UTRN: variants seen among roughly 807,000 people sequenced by gnomAD.
UTRN encodes dystrophin-related protein 1.
In UTRN, 283 loss-of-function variants were observed where a neutral mutation model predicts 463.9. That is an observed-to-expected ratio of 0.61 (90% CI 0.55 to 0.67). The LOEUF (loss-of-function observed/expected upper bound fraction) is 0.67, where lower values mean the gene tolerates loss of function less well. UTRN is among the 30% of genes least tolerant of loss of function. The probability of loss-of-function intolerance (pLI) is 0.00; values close to 1 mark genes in which losing one functional copy is unlikely to be tolerated. For missense variants in UTRN, 3,922 were observed against 4,084.3 expected, an observed-to-expected ratio of 0.96 and a Z score of 1.08; for synonymous variants, 1,442 against 1,431.5, an observed-to-expected ratio of 1.01 and a Z score of -0.17.
Position 144,851,402 on chromosome 6 carries a change from C to A in UTRN, c.*405C>A, listed in dbSNP as rs545322097. ...GAAGACCACTTTACATTTTTACATT[C>A]CTTCTGCTGTTCATATTAACCTTGC... On this transcript the variant is annotated 3_prime_UTR_variant, in exon 75 of 75. Coordinates refer to ENST00000367545, the MANE Select transcript of UTRN (RefSeq NM_007124.3). The A allele has an allele frequency of 2.1e-4, 37 of 179,028 alleles. No homozygotes were observed. The highest frequency in any genetic ancestry group is 3.9e-4 in the Admixed American group (7 of 17,756). 11.1% of individuals were successfully genotyped at this position (179,028 alleles called of 1,614,324 possible).
intron 53 of UTRN, among the ~76,000 whole-genome samples, chr6:144,722,459 C>T (rs1294388074): frequency 6.6e-6 from 1 of 152,030 alleles, no homozygotes; most frequent in African/African-American, 2.4e-5. Flanking sequence ...AATCATGCCT[C>T]CCTGTGTCCA....
At position 144,731,054 on chromosome 6, in the gene UTRN, T is replaced by C. The variant is rs555776309; in HGVS notation, c.7939+568T>C. On this transcript the variant is annotated intron_variant, in intron 54 of 74. Coordinates refer to ENST00000367545, the MANE Select transcript of UTRN (RefSeq NM_007124.3). ...TATATATTTCTTATATTTAAACATG[T>C]TATGTGATAAATAATTGCAAGTAGA... is the stretch of plus-strand genomic sequence containing the variant. Among the ~76,000 whole-genome samples, 208 of 150,892 alleles carry C rather than the reference T, an allele frequency of 1.4e-3. 1 individual carries two copies. The highest frequency in any genetic ancestry group is 0.01 in the South Asian group (50 of 4,808).
chr6:144,811,024 A>G (rs1231296821), intron 65 of UTRN, among the ~76,000 whole-genome samples: 1 of 152,162 alleles, frequency 6.6e-6, no homozygotes, highest in Non-Finnish European at 1.5e-5. Flanking sequence ...CATGTTTTCC[A>G]TGAGAAGAAT....
intron 2 of UTRN, among the ~76,000 whole-genome samples, chr6:144,356,569 T>C (rs1778564098): frequency 1.3e-5 from 2 of 152,216 alleles, no homozygotes; most frequent in South Asian, 4.1e-4. Flanking sequence ...CCCCAGCACT[T>C]TGGGACGTTT....
chr6:144,390,134 C>A (rs1175815625), intron 2 of UTRN, among the ~76,000 whole-genome samples: 2 of 152,106 alleles, frequency 1.3e-5, no homozygotes, highest in Non-Finnish European at 2.9e-5. Flanking sequence ...GGCAAAAGCA[C>A]TAATAAATAA....
chr6:144,548,526 T>A, intron 46 of UTRN, 114 bp from the exon 47 acceptor site: 1 of 991,052 alleles, frequency 1.0e-6, no homozygotes, highest in Non-Finnish European at 1.4e-6. Flanking sequence ...CTCTTAGAAT[T>A]TTTTTTACTT....
intron 2 of UTRN, among the ~76,000 whole-genome samples, chr6:144,295,103 C>T (rs150002717): frequency 8.1e-4 from 123 of 152,252 alleles, no homozygotes; most frequent in African/African-American, 2.7e-3. Flanking sequence ...GAAAGTTCAA[C>T]AAGTTAGTAA....
At chr6:144,451,692 T>C (rs971518230) in intron 18 of UTRN, among the ~76,000 whole-genome samples, 199 bp downstream of exon 18, 14 of 152,228 alleles carry the variant, frequency 9.2e-5, no homozygotes, top group African/African-American at 2.9e-4. Flanking sequence ...AGGACGTTTT[T>C]TTTTTTTCAT....
At chr6:144,794,034 G>A in intron 63 of UTRN, 43 bp downstream of exon 63, 5 of 1,599,226 alleles carry the variant, frequency 3.1e-6, no homozygotes, top group South Asian at 1.1e-5. Flanking sequence ...TGTTGGCGAA[G>A]GGTTTTGAGG....
chr6:144,456,695 T>TAATAAA (rs1554259174), intron 19 of UTRN, among the ~76,000 whole-genome samples: 11 of 146,376 alleles, frequency 7.5e-5, no homozygotes, highest in African/African-American at 2.5e-4. Context: ...ATAATAATAA[T>TAATAAA]AAATAAAATA....
intron 62 of UTRN, among the ~76,000 whole-genome samples, chr6:144,791,627 C>G (rs948638369): frequency 2.0e-5 from 3 of 151,092 alleles, no homozygotes; most frequent in Non-Finnish European, 4.4e-5. Flanking sequence ...ATTAGTATCT[C>G]TTCTGTGCTT....
At chr6:144,824,775 G>GA (rs1333745516) in intron 66 of UTRN, among the ~76,000 whole-genome samples, 1 of 145,106 alleles carries the variant, frequency 6.9e-6, no homozygotes, top group African/African-American at 2.6e-5. Context: ...GTTGGTGGTG[G>GA]GGGGGGGTGT....
chr6:144,687,522 G>A (rs189362395), intron 52 of UTRN, among the ~76,000 whole-genome samples: 37 of 152,210 alleles, frequency 2.4e-4, no homozygotes, highest in Admixed American at 1.4e-3. Context: ...AAATATATAT[G>A]CATATGACAA....
At position 144,296,664 on chromosome 6, in the gene UTRN, A is replaced by T. The variant is rs150923447; in HGVS notation, c.79+4757A>T. Among the ~76,000 whole-genome samples the T allele has an allele frequency of 6.6e-4, 101 of 152,322 alleles. No homozygotes were observed. In the East Asian group the frequency reaches 0.015, roughly 23 times the overall value. ...TGGAGTGCCCAGTCTCCTAACTCAC[A>T]AGACATTTTATTCCATTGCTGCTCG... is the stretch of plus-strand genomic sequence containing the variant. On this transcript the variant is annotated intron_variant, in intron 2 of 74. Coordinates refer to ENST00000367545, the MANE Select transcript of UTRN (RefSeq NM_007124.3).
At chr6:144,621,490 A>G (rs9376829) in intron 51 of UTRN, among the ~76,000 whole-genome samples, 21,902 of 152,124 alleles carry the variant, frequency 0.14, 1,944 homozygotes, top group South Asian at 0.27. Flanking sequence ...AGACAGAATG[A>G]GTTTACGCCC....
rs1775117979 is a variant in UTRN, at chr6:144,774,328, G to A, written c.8596G>A (p.Ala2866Thr). 6 of 1,601,376 alleles carry A rather than the reference G, an allele frequency of 3.7e-6. No individual in the cohort carries two copies. Among genetic ancestry groups the A allele is most frequent in the Admixed American group, 1.7e-5 (1 of 57,208 alleles). The change falls in exon 60 of 75, where the codon GCA (alanine) becomes ACA (threonine). Residue 2866 changes from alanine to threonine, a missense_variant. Physicochemically the swap from Ala to Thr is moderately conservative, Grantham distance 58. Coordinates refer to ENST00000367545, the MANE Select transcript of UTRN (RefSeq NM_007124.3). ...NNVRFSAYRT[A>T]IKIRRLQKAL... ...TGTACGTTTTTCTGCCTACCGTACA[G>A]CAATCAAAATCCGAAGACTACAAAA... is the stretch of plus-strand genomic sequence containing the variant.
chr6:144,474,319 A>G (rs1790969914), intron 24 of UTRN, among the ~76,000 whole-genome samples: 3 of 152,044 alleles, frequency 2.0e-5, no homozygotes, highest in African/African-American at 2.4e-5. Context: ...TGCTAGTAAT[A>G]GTGCATGCAG....
At chr6:144,560,688 A>G (rs10457764) in intron 50 of UTRN, among the ~76,000 whole-genome samples, 31,736 of 152,158 alleles carry the variant, frequency 0.21, 3,526 homozygotes, top group South Asian at 0.31. Context: ...ATTCACAATT[A>G]TAAGTCCACA....
chr6:144,509,623 A>G (rs974648365), intron 34 of UTRN, among the ~76,000 whole-genome samples: 1 of 152,134 alleles, frequency 6.6e-6, no homozygotes, highest in Admixed American at 6.5e-5. Context: ...CCATCTTTTT[A>G]TCACTGTCTT....
Sources: allele counts gnomAD v4.1 joint callset (sites outside exome capture counted in the v4.1 genomes callset), GRCh38; gene constraint gnomAD v4.1.1; transcripts MANE v1.5; gene names NCBI Gene and HGNC (gene_info 2026-07-23, HGNC 2026-07-21).